Variants in FSTL5 observed in about 807,000 individuals in gnomAD.
The protein encoded by FSTL5 is follistatin-related protein 5.
FSTL5 carries 62 observed loss-of-function variants against 89.1 expected under a neutral mutation model. That is an observed-to-expected ratio of 0.70 (90% CI 0.57 to 0.86). FSTL5 has a LOEUF of 0.86. Ranked by LOEUF, FSTL5 falls within the 40% of genes least tolerant of loss-of-function variation. FSTL5 has a pLI of 0.00. For missense variants in FSTL5, 1,057 were observed against 1,001.6 expected (o/e 1.06, Z -0.75); for synonymous variants, 383 against 346.2 (o/e 1.11, Z -1.18).
chr4:161,972,989 T>C (rs981884049), intron 3 of FSTL5, among the ~76,000 whole-genome samples: 10 of 152,196 alleles, frequency 6.6e-5, no homozygotes, highest in African/African-American at 2.2e-4. Context: ...TTTCCTTGAG[T>C]GGCTTCTCAT....
At chr4:161,977,624 A>ATAT in intron 3 of FSTL5, among the ~76,000 whole-genome samples, 1 of 104,400 alleles carries the variant, frequency 9.6e-6, no homozygotes, top group East Asian at 2.5e-4. Flanking sequence ...AAAAAAAAAA[A>ATAT]AAAAAAAAAA....
chr4:162,067,361 G>C (rs563486658), intron 2 of FSTL5, among the ~76,000 whole-genome samples: 1 of 151,790 alleles, frequency 6.6e-6, no homozygotes, highest in Non-Finnish European at 1.5e-5. Context: ...CCTATTCTTT[G>C]TTTTCTTATT....
intron 2 of FSTL5, among the ~76,000 whole-genome samples, chr4:162,084,828 T>C (rs527458971): frequency 2.0e-5 from 3 of 152,108 alleles, no homozygotes; most frequent in South Asian, 2.1e-4. Flanking sequence ...ATGTACATGA[T>C]GGGTTGATGG....
intron 4 of FSTL5, among the ~76,000 whole-genome samples, chr4:161,899,890 T>C (rs1455743502): frequency 6.6e-6 from 1 of 151,834 alleles, no homozygotes; most frequent in Non-Finnish European, 1.5e-5. Context: ...GGGTGTAGAG[T>C]GAACTTAGAA....
At chr4:161,689,636 T>A (rs1737863044) in intron 6 of FSTL5, among the ~76,000 whole-genome samples, 1 of 152,110 alleles carries the variant, frequency 6.6e-6, no homozygotes, top group African/African-American at 2.4e-5. Flanking sequence ...TAGAGGACAT[T>A]TTTTTACTGA....
chr4:161,880,476 G>T (rs957931745), intron 4 of FSTL5, among the ~76,000 whole-genome samples: 4 of 152,176 alleles, frequency 2.6e-5, no homozygotes, highest in African/African-American at 9.6e-5. Context: ...CAGTTTGGCA[G>T]TTCCTTAATA....
chr4:161,653,947 A>G (rs1736423765), intron 7 of FSTL5, among the ~76,000 whole-genome samples: 1 of 152,196 alleles, frequency 6.6e-6, no homozygotes, highest in Non-Finnish European at 1.5e-5. Context: ...AATATGGCTC[A>G]AAATGAAACT....
chr4:161,757,359 G>A (rs1031688795), intron 6 of FSTL5, among the ~76,000 whole-genome samples: 14 of 148,872 alleles, frequency 9.4e-5, no homozygotes, highest in Non-Finnish European at 1.9e-4. Flanking sequence ...CATTCATACC[G>A]ACATATGCAC....
rs115887070 is a variant in FSTL5, at chr4:161,883,196, C to T, written c.409+37208G>A. On this transcript the variant is annotated intron_variant, in intron 4 of 15. Coordinates refer to ENST00000306100, the MANE Select transcript of FSTL5 (RefSeq NM_020116.5). ...CTCTAAAACAGCATAAGTGTACACA[C>T]CTGTAATACTGTAATCTCTAATCCA... 9.1e-3 allele frequency among the ~76,000 whole-genome samples: 1,390 copies of T among 152,226 alleles called. 25 individuals carry two copies. Among genetic ancestry groups the T allele is most frequent in the African/African-American group, 0.032 (1,330 of 41,546 alleles).
chr4:161,568,813 T>C (rs902499214), intron 8 of FSTL5, among the ~76,000 whole-genome samples: 1 of 152,224 alleles, frequency 6.6e-6, no homozygotes. Flanking sequence ...TAATTTCCAT[T>C]AGTAATACAA....
chr4:161,900,613 T>TG lies in FSTL5; in HGVS notation c.409+19790dup, dbSNP rs918957477. ...CAGATTGAGCCACTGCACTCCAGCCTGGGTGACAGAGCGAGACTCCATCTC... is the reference window on the plus strand; with the variant it reads ...CAGATTGAGCCACTGCACTCCAGCCTGGGGTGACAGAGCGAGACTCCATCTC... On this transcript the variant is annotated intron_variant, in intron 4 of 15. Coordinates refer to ENST00000306100, the MANE Select transcript of FSTL5 (RefSeq NM_020116.5). Among the ~76,000 whole-genome samples, 180 of 114,688 alleles carry TG rather than the reference T, an allele frequency of 1.6e-3. 1 individual carries two copies. The highest frequency in any genetic ancestry group is 6.0e-3 in the African/African-American group (174 of 29,034). 75.2% of individuals were successfully genotyped at this position (114,688 alleles called of 152,430 possible).
intron 13 of FSTL5, among the ~76,000 whole-genome samples, chr4:161,480,615 CA>C (rs1173977832): frequency 6.6e-6 from 1 of 152,152 alleles, no homozygotes; most frequent in Non-Finnish European, 1.5e-5. Flanking sequence ...GTGAAGCCTA[CA>C]ATTGTCTTGG....
chr4:162,003,866 A>G (rs1218280010), intron 3 of FSTL5, among the ~76,000 whole-genome samples: 1 of 152,180 alleles, frequency 6.6e-6, no homozygotes, highest in East Asian at 1.9e-4. Context: ...CTCACAAATA[A>G]TATAGATATA....
chr4:162,149,380 T>A (rs982746737), intron 1 of FSTL5, among the ~76,000 whole-genome samples: 11 of 151,950 alleles, frequency 7.2e-5, no homozygotes, highest in Non-Finnish European at 1.3e-4. Context: ...AAATATTTTT[T>A]AAAAAATTTA....
At chr4:161,551,177 T>G (rs1294339831) in intron 8 of FSTL5, among the ~76,000 whole-genome samples, 5 of 150,292 alleles carry the variant, frequency 3.3e-5, no homozygotes, top group Non-Finnish European at 6.0e-5. Flanking sequence ...CCACAATGGT[T>G]GAACTAGTTT....
rs202045279 is a variant in FSTL5 at position 162,111,278 on chromosome 4, C to G, written c.119G>C (p.Arg40Pro). 3.1e-6 allele frequency: 5 copies of G among 1,606,932 alleles called. No homozygotes were observed. Among genetic ancestry groups the G allele is most frequent in the South Asian group, 2.2e-5 (2 of 90,144 alleles). The change falls in exon 2 of 16, where the codon CGA becomes CCA. Residue 40 changes from arginine (R) to proline (P), a missense_variant. Around this residue, in one of 3 missense-constraint regions of FSTL5, gnomAD observed 980 missense variants for 903.2 expected, o/e 1.08. Transcript: ENST00000306100. The part of the protein sequence containing the change: ...LKSYQPLMRL[R>P]HKQEKNQESS... ...TCAGAATATTGACTGTACCTTATGT[C>G]GCAATCTCATTAGAGGCTGATAGGA...
chr4:161,513,677 G>A (rs1730726609), intron 10 of FSTL5, among the ~76,000 whole-genome samples: 1 of 152,132 alleles, frequency 6.6e-6, no homozygotes, highest in African/African-American at 2.4e-5. Context: ...ACAGGATCAT[G>A]TCCTTTGCAG....
At chr4:161,838,280 T>G (rs1731106019) in intron 4 of FSTL5, among the ~76,000 whole-genome samples, 1 of 152,208 alleles carries the variant, frequency 6.6e-6, no homozygotes, top group African/African-American at 2.4e-5. Flanking sequence ...AAGTTAATGT[T>G]TTCTGTTAAT....
At chr4:161,514,027 C>T (rs1027406505) in intron 10 of FSTL5, among the ~76,000 whole-genome samples, 3 of 151,852 alleles carry the variant, frequency 2.0e-5, no homozygotes, top group Non-Finnish European at 2.9e-5. Flanking sequence ...ATTAGTTTGT[C>T]AATTAAGGAC....
Sources: allele counts gnomAD v4.1 joint callset (sites outside exome capture counted in the v4.1 genomes callset), GRCh38; gene constraint gnomAD v4.1.1; regional missense constraint gnomAD v4.1.1; transcripts MANE v1.5; gene names NCBI Gene and HGNC (gene_info 2026-07-23, HGNC 2026-07-21).